The following DENND2B variants were observed in gnomAD, a reference collection of about 807,000 sequenced individuals.
DENND2B encodes the protein DENN domain-containing protein 2B.
A neutral mutation model predicts 116.0 loss-of-function variants in DENND2B; 32 were observed. That is an observed-to-expected ratio of 0.28 (90% CI 0.21 to 0.37). DENND2B has a LOEUF of 0.37. Among genes scored for constraint, DENND2B ranks in the 10% least tolerant of loss-of-function variants. The probability of loss-of-function intolerance (pLI) is 1.00; values close to 1 mark genes in which losing one functional copy is unlikely to be tolerated. For missense variants in DENND2B, 1,276 were observed against 1,477.7 expected (o/e 0.86, Z 2.24); for synonymous variants, 588 against 583.9 (o/e 1.01, Z -0.10).
chr11:8,797,111 A>C (rs537786744), intron 1 of DENND2B, among the ~76,000 whole-genome samples: 33 of 152,356 alleles, frequency 2.2e-4, no homozygotes, highest in Non-Finnish European at 4.3e-4. Context: ...GCTTGGAATC[A>C]AACAGCCTTA....
chr11:8,874,139 T>C (rs1394024208), upstream of DENND2B, among the ~76,000 whole-genome samples: 3 of 152,216 alleles, frequency 2.0e-5, no homozygotes, highest in Non-Finnish European at 4.4e-5. Context: ...CCTTTCATCC[T>C]CTCTCATACG....
chr11:8,797,383 T>C (rs1293516824), intron 1 of DENND2B, among the ~76,000 whole-genome samples: 1 of 152,106 alleles, frequency 6.6e-6, no homozygotes, highest in Non-Finnish European at 1.5e-5. Context: ...TAAGCAGGTA[T>C]GTCTATGCCC....
intron 2 of DENND2B, among the ~76,000 whole-genome samples, chr11:8,737,151 T>G (rs894405742): frequency 6.6e-6 from 1 of 152,006 alleles, no homozygotes; most frequent in Non-Finnish European, 1.5e-5. Flanking sequence ...TAGAATAGAG[T>G]CTGGGTTATA....
In DENND2B at chr11:8,708,023, C is replaced by T. The variant is rs1054970880; in HGVS notation, c.2353-169G>A. On this transcript the variant is annotated intron_variant, in intron 11 of 19. Coordinates refer to ENST00000313726, the MANE Select transcript of DENND2B (RefSeq NM_213618.2). ...GCAACCAGAGCCCTGAAGGAACAGC[C>T]ACCACTCTCAGGACAGGCCTCAGCT... 4.6e-6 allele frequency: 7 copies of T among 1,524,474 alleles called. No individual in the cohort carries two copies. In the African/African-American group the frequency reaches 9.6e-5, roughly 21 times the overall value. 94.4% of individuals were successfully genotyped at this position (1,524,474 alleles called of 1,614,324 possible). A position where few individuals can be genotyped will look rare whatever the true frequency, so the allele number is the denominator to read the frequency against.
At chr11:8,830,479 C>T (rs1396587016) in intron 4 of DENND2B, among the ~76,000 whole-genome samples, 1 of 152,228 alleles carries the variant, frequency 6.6e-6, no homozygotes, top group African/African-American at 2.4e-5. Context: ...CTTATAAATT[C>T]CCTCAGGTCA....
At chr11:8,756,258 GGGTAGACTCACT>G (rs2053591765) in intron 1 of DENND2B, among the ~76,000 whole-genome samples, 1 of 152,206 alleles carries the variant, frequency 6.6e-6, no homozygotes, top group Admixed American at 6.5e-5. Flanking sequence ...GCTTTCAGGA[GGGTAGACTCACT>G]GCTCTGAAAT....
At chr11:8,701,179 C>T (rs1018447742) in intron 14 of DENND2B, among the ~76,000 whole-genome samples, 2 of 152,182 alleles carry the variant, frequency 1.3e-5, no homozygotes, top group African/African-American at 2.4e-5. Flanking sequence ...AAATGAAGAC[C>T]ATTAGAAATT....
chr11:8,796,580 A>T (rs1290654754), intron 1 of DENND2B, among the ~76,000 whole-genome samples: 1 of 152,194 alleles, frequency 6.6e-6, no homozygotes, highest in African/African-American at 2.4e-5. Flanking sequence ...GTCAATGTTC[A>T]ATTTCCAAGA....
intron 1 of DENND2B, among the ~76,000 whole-genome samples, chr11:8,767,345 G>A (rs981358534): frequency 8.5e-5 from 13 of 152,146 alleles, no homozygotes; most frequent in African/African-American, 3.1e-4. Flanking sequence ...AAAGGCTCTC[G>A]TGTGAAAAAG....
intron 4 of DENND2B, among the ~76,000 whole-genome samples, chr11:8,822,267 TATACTA>T (rs2061795244): frequency 6.6e-6 from 1 of 152,218 alleles, no homozygotes; most frequent in Admixed American, 6.5e-5. Context: ...GATAATTAGA[TATACTA>T]ATACACTGTG....
At chr11:8,909,221 C>T (rs1235621523) in intron 1 of DENND2B, among the ~76,000 whole-genome samples, 3 of 152,078 alleles carry the variant, frequency 2.0e-5, no homozygotes, top group African/African-American at 7.2e-5. Context: ...ATAGGGAGAC[C>T]CTGTCTCTAC....
chr11:8,854,251 G>C (rs796394913), intron 3 of DENND2B, among the ~76,000 whole-genome samples: 2 of 151,154 alleles, frequency 1.3e-5, no homozygotes, highest in African/African-American at 4.9e-5. Flanking sequence ...ACCCAGGCTA[G>C]AGTGCAACAG....
At chr11:8,763,245 G>T (rs1268073232) in intron 1 of DENND2B, among the ~76,000 whole-genome samples, 2 of 152,124 alleles carry the variant, frequency 1.3e-5, no homozygotes, top group African/African-American at 4.8e-5. Flanking sequence ...ACCTACTGTT[G>T]GCAAGGATGT....
intron 1 of DENND2B, among the ~76,000 whole-genome samples, chr11:8,903,889 C>CAAA (rs61317026): frequency 0.025 from 1,891 of 74,770 alleles, 75 homozygotes; most frequent in African/African-American, 0.086. Flanking sequence ...GACCTTGTCT[C>CAAA]AAAAAAAAAA....
At chr11:8,698,843 G>C (rs2040941022) in intron 16 of DENND2B, 90 bp downstream of exon 16, 1 of 1,477,268 alleles carries the variant, frequency 6.8e-7, no homozygotes, top group Non-Finnish European at 9.4e-7. Context: ...CAGAGAGAGA[G>C]CTCAACAAAC....
intron 1 of DENND2B, chr11:8,871,195 G>A (rs2063771394): frequency 6.6e-6 from 1 of 151,976 alleles, no homozygotes; most frequent in Non-Finnish European, 1.5e-5. Flanking sequence ...CCCGGCGGAG[G>A]GGAGCGCTCG....
intron 1 of DENND2B, among the ~76,000 whole-genome samples, chr11:8,890,817 G>T (rs1443187300): frequency 3.9e-5 from 6 of 152,188 alleles, no homozygotes; most frequent in Non-Finnish European, 8.8e-5. Context: ...AAAACACTCT[G>T]CAGGATATTA....
At chr11:8,867,268 G>A (rs1225517246) in intron 2 of DENND2B, among the ~76,000 whole-genome samples, 3 of 152,104 alleles carry the variant, frequency 2.0e-5, no homozygotes, top group Non-Finnish European at 2.9e-5. Context: ...ATTATCTGCC[G>A]AGAATCAAAG....
intron 4 of DENND2B, among the ~76,000 whole-genome samples, chr11:8,834,903 A>G (rs924258371): frequency 1.3e-5 from 2 of 152,244 alleles, no homozygotes; most frequent in Non-Finnish European, 2.9e-5. Flanking sequence ...ACACAAAACA[A>G]TACCTCTGTA....
Sources: allele counts gnomAD v4.1 joint callset (sites outside exome capture counted in the v4.1 genomes callset), GRCh38; gene constraint gnomAD v4.1.1; transcripts MANE v1.5; gene names NCBI Gene and HGNC (gene_info 2026-07-23, HGNC 2026-07-21).